RPAP2: variants seen among roughly 807,000 people sequenced by gnomAD.
RPAP2 encodes the protein RNA polymerase II associated protein 2.
In RPAP2, 52 loss-of-function variants were observed where a neutral mutation model predicts 73.1. The ratio of observed to expected loss-of-function variants is 0.71; its 90% confidence interval spans 0.57 to 0.90. The LOEUF is 0.90. RPAP2 is among the 40% of genes least tolerant of loss of function. The pLI, the probability that RPAP2 is intolerant of heterozygous loss-of-function variation, is 0.00. For synonymous variants in RPAP2, 225 were observed against 242.1 expected (o/e 0.93, Z 0.65); for missense variants, 598 against 701.8 (o/e 0.85, Z 1.67).
intron 11 of RPAP2, among the ~76,000 whole-genome samples, chr1:92,364,683 G>A (rs1310341525): frequency 1.3e-5 from 2 of 151,974 alleles, no homozygotes; most frequent in Non-Finnish European, 2.9e-5. Flanking sequence ...AGTCCTTTTA[G>A]TTCTGTATAC....
intron 6 of RPAP2, among the ~76,000 whole-genome samples, chr1:92,308,907 C>T (rs1273578178): frequency 1.3e-5 from 2 of 151,828 alleles, no homozygotes; most frequent in Non-Finnish European, 2.9e-5. Context: ...TTGCAGTGAG[C>T]CAAGATCGTG....
intron 5 of RPAP2, among the ~76,000 whole-genome samples, chr1:92,305,429 T>C: frequency 4.4e-5 from 1 of 22,786 alleles, no homozygotes; most frequent in Admixed American, 6.3e-4. Context: ...TGAGGCTCCG[T>C]CTCAAAAAAA....
At chr1:92,313,375 T>C (rs1177477207) in intron 6 of RPAP2, among the ~76,000 whole-genome samples, 5 of 152,096 alleles carry the variant, frequency 3.3e-5, no homozygotes, top group African/African-American at 7.2e-5. Context: ...ACTAATCTTG[T>C]ACATTTGCAT....
At chr1:92,355,510 G>A (rs1654418650) in intron 11 of RPAP2, among the ~76,000 whole-genome samples, 1 of 152,158 alleles carries the variant, frequency 6.6e-6, no homozygotes, top group African/African-American at 2.4e-5. Context: ...GAGTTCCATG[G>A]TGACACTGTC....
At chr1:92,333,121 T>G (rs1240873136) in intron 8 of RPAP2, 2 of 360,422 alleles carry the variant, frequency 5.5e-6, no homozygotes, top group Non-Finnish European at 1.0e-5. Context: ...TCTTTTTGTT[T>G]ACATTTTATT....
intron 8 of RPAP2, among the ~76,000 whole-genome samples, chr1:92,327,097 A>G (rs1652679126): frequency 6.6e-6 from 1 of 152,216 alleles, no homozygotes; most frequent in Non-Finnish European, 1.5e-5. Flanking sequence ...TGTTCTGTAA[A>G]TATCTGTTAA....
chr1:92,382,043 G>C (rs570949037), intron 12 of RPAP2, among the ~76,000 whole-genome samples: 2 of 151,582 alleles, frequency 1.3e-5, no homozygotes, highest in South Asian at 2.1e-4. Context: ...CCTTGTGATA[G>C]TTTGCTGAGA....
chr1:92,344,534 A>G (rs534661351), intron 10 of RPAP2, among the ~76,000 whole-genome samples: 48 of 152,356 alleles, frequency 3.2e-4, no homozygotes, highest in Non-Finnish European at 6.0e-4. Flanking sequence ...TTATTTTTCT[A>G]TTACAAGCAA....
At position 92,304,316 on chromosome 1, in the gene RPAP2, A is replaced by G. The variant is rs928377195; in HGVS notation, c.366A>G (p.Lys122=). 6.6e-7 allele frequency: 1 copy of G among 1,519,022 alleles called. No homozygotes were observed. Among genetic ancestry groups the G allele is most frequent in the Admixed American group, 1.8e-5 (1 of 54,792 alleles). 94.1% of individuals were successfully genotyped at this position (1,519,022 alleles called of 1,614,324 possible). ...AACAGAAATATAAAATTTCTACCAA[A>G]ACCAATAAAGTCTATGATATTACTG... The part of the protein sequence containing the change: ...VPKQKYKIST[K]TNKVYDITER... The change falls in exon 5 of 13, where the codon AAA becomes AAG. Residue 122 remains lysine (K), a synonymous_variant. Transcript: ENST00000610020.
chr1:92,354,916 T>A (rs1654389631), intron 11 of RPAP2, among the ~76,000 whole-genome samples: 1 of 150,112 alleles, frequency 6.7e-6, no homozygotes, highest in Non-Finnish European at 1.5e-5. Flanking sequence ...ATTATTATTA[T>A]TATTGAGACA....
At chr1:92,381,875 T>A (rs1372079787) in intron 12 of RPAP2, among the ~76,000 whole-genome samples, 1 of 151,736 alleles carries the variant, frequency 6.6e-6, no homozygotes, top group Non-Finnish European at 1.5e-5. Flanking sequence ...ACCCATTAAT[T>A]TGTCATTTAA....
At chr1:92,359,683 C>G (rs1009701314) in intron 11 of RPAP2, among the ~76,000 whole-genome samples, 1 of 152,144 alleles carries the variant, frequency 6.6e-6, no homozygotes, top group African/African-American at 2.4e-5. Context: ...AAGATTTAGG[C>G]AGATTATCAG....
chr1:92,307,129 C>T, intron 5 of RPAP2, 59 bp from the exon 6 acceptor site: 2 of 1,126,114 alleles, frequency 1.8e-6, no homozygotes, highest in Non-Finnish European at 2.6e-6. Flanking sequence ...ATACTCTCAA[C>T]TGTATGTAGG....
Position 92,345,491 on chromosome 1 carries a change from G to A in RPAP2, c.1620-355G>A, listed in dbSNP as rs530166937. ...AGGGAAAGAGGGGAGGGGAGGAATT[G>A]CTTGGTTAGGGGAAAGCATAGAGAA... On this transcript the variant is annotated intron_variant, in intron 10 of 12. Coordinates refer to ENST00000610020, the MANE Select transcript of RPAP2 (RefSeq NM_024813.3). 7.3e-4 allele frequency among the ~76,000 whole-genome samples: 111 copies of A among 151,710 alleles called. 1 individual carries two copies. The highest frequency in any genetic ancestry group is 2.6e-3 in the African/African-American group (106 of 41,374).
intron 11 of RPAP2, among the ~76,000 whole-genome samples, chr1:92,359,156 G>A (rs540469980): frequency 6.6e-6 from 1 of 152,210 alleles, no homozygotes; most frequent in African/African-American, 2.4e-5. Context: ...GACAAATTAT[G>A]AGAAACACTA....
At chr1:92,373,739 TAAAAAAAAAAAAAA>T (rs59586077) in intron 11 of RPAP2, among the ~76,000 whole-genome samples, 4 of 80,484 alleles carry the variant, frequency 5.0e-5, no homozygotes, top group Admixed American at 3.5e-4. Context: ...CTACTAAAAA[TAAAAAAAAAAAAAA>T]AAAAAAAAAA....
At chr1:92,378,701 T>C (rs1007496159) in intron 11 of RPAP2, among the ~76,000 whole-genome samples, 2 of 152,190 alleles carry the variant, frequency 1.3e-5, no homozygotes, top group Non-Finnish European at 2.9e-5. Flanking sequence ...AAGCTAGAGT[T>C]AGCTTCTCGG....
Position 92,393,593 on chromosome 1 carries a change from T to C in RPAP2, c.*6582T>C, listed in dbSNP as rs1177768461. On this transcript the variant is annotated 3_prime_UTR_variant, in exon 13 of 13. Coordinates refer to ENST00000610020, the MANE Select transcript of RPAP2 (RefSeq NM_024813.3). ...ATATATCCATCTGACAAAGGGCTAA[T>C]ATCCAGAATCTACAAAGAACTTAAA... 2 of 152,182 alleles carry C rather than the reference T, an allele frequency of 1.3e-5. No homozygotes were observed. Among genetic ancestry groups the C allele is most frequent in the Admixed American group, 6.5e-5 (1 of 15,274 alleles). The allele number at this position is 152,182 out of a possible 1,614,324, so 9.4% of individuals were successfully genotyped here.
chr1:92,322,946 A>G (rs1652377082), intron 7 of RPAP2, among the ~76,000 whole-genome samples: 1 of 147,524 alleles, frequency 6.8e-6, no homozygotes, highest in African/African-American at 2.5e-5. Flanking sequence ...TTTATATATT[A>G]TATATAATAT....
Sources: allele counts gnomAD v4.1 joint callset (sites outside exome capture counted in the v4.1 genomes callset), GRCh38; gene constraint gnomAD v4.1.1; transcripts MANE v1.5; gene names NCBI Gene and HGNC (gene_info 2026-07-23, HGNC 2026-07-21).